Variants in FMN2 observed in about 807,000 individuals in gnomAD.
FMN2 encodes the protein formin 2.
In FMN2, 51 loss-of-function variants were observed where a neutral mutation model predicts 142.3. The ratio of observed to expected loss-of-function variants is 0.36; its 90% CI spans 0.29 to 0.45. The LOEUF (loss-of-function observed/expected upper bound fraction) is 0.45, where lower values mean the gene tolerates loss of function less well. Ranked by LOEUF, FMN2 falls within the 20% of genes least tolerant of loss-of-function variation. FMN2 has a pLI of 1.00. For synonymous variants in FMN2, 882 were observed against 869.8 expected (o/e 1.01, Z -0.25); for missense variants, 1,936 against 2,122.8 (o/e 0.91, Z 1.73).
intron 6 of FMN2, among the ~76,000 whole-genome samples, chr1:240,218,667 T>C (rs1666997350): frequency 6.6e-6 from 1 of 152,146 alleles, no homozygotes; most frequent in Non-Finnish European, 1.5e-5. Context: ...CCCTCTTTAG[T>C]TTCACTGGAA....
At chr1:240,395,623 G>A (rs887529274) in intron 15 of FMN2, among the ~76,000 whole-genome samples, 5 of 152,174 alleles carry the variant, frequency 3.3e-5, no homozygotes, top group Non-Finnish European at 2.9e-5. Flanking sequence ...GACATCAGTG[G>A]AGAAAGTAAC....
intron 14 of FMN2, among the ~76,000 whole-genome samples, chr1:240,358,655 GA>G (rs1236628857): frequency 2.6e-5 from 4 of 152,138 alleles, no homozygotes; most frequent in Admixed American, 2.0e-4. Flanking sequence ...GAAGGGGGAA[GA>G]GCCCCTTATG....
At chr1:240,302,342 C>A (rs1670228881) in intron 8 of FMN2, among the ~76,000 whole-genome samples, 1 of 151,792 alleles carries the variant, frequency 6.6e-6, no homozygotes, top group Non-Finnish European at 1.5e-5. Context: ...AATACCTGGG[C>A]CCTCAGAAAA....
intron 15 of FMN2, among the ~76,000 whole-genome samples, chr1:240,420,626 C>T (rs1572289629): frequency 6.6e-6 from 1 of 152,268 alleles, no homozygotes; most frequent in Middle Eastern, 3.4e-3. Flanking sequence ...AAGATATCAC[C>T]TGAGCTAACC....
chr1:240,299,204 T>C (rs1670105246), intron 8 of FMN2, among the ~76,000 whole-genome samples: 1 of 152,182 alleles, frequency 6.6e-6, no homozygotes. Context: ...CGCCTCGACC[T>C]TACAAAGTGC....
chr1:240,418,727 A>G (rs1186978725), intron 15 of FMN2, among the ~76,000 whole-genome samples: 4 of 147,736 alleles, frequency 2.7e-5, no homozygotes, highest in African/African-American at 1.1e-4. Context: ...GTAGTGTTCT[A>G]TTTTATTATT....
chr1:240,414,911 A>G (rs1674526984), intron 15 of FMN2, among the ~76,000 whole-genome samples: 1 of 152,228 alleles, frequency 6.6e-6, no homozygotes, highest in African/African-American at 2.4e-5. Context: ...CATATATCAG[A>G]AGAACTTGCT....
intron 2 of FMN2, chr1:240,144,948 G>T: frequency 7.8e-7 from 1 of 1,274,506 alleles, no homozygotes. Flanking sequence ...CCTACTAGCC[G>T]ATACTTGAGG....
chr1:240,456,877 C>T (rs1299366306), intron 16 of FMN2, among the ~76,000 whole-genome samples: 1 of 152,166 alleles, frequency 6.6e-6, no homozygotes, highest in Non-Finnish European at 1.5e-5. Flanking sequence ...TCTCTAGAAC[C>T]GCACAGATAA....
At chr1:240,364,491 G>A (rs1269821941) in intron 14 of FMN2, among the ~76,000 whole-genome samples, 2 of 151,894 alleles carry the variant, frequency 1.3e-5, no homozygotes, top group Admixed American at 1.3e-4. Flanking sequence ...CATTTTAAAG[G>A]TACCTTTCTT....
chr1:240,121,708 C>T (rs1344555812), intron 1 of FMN2, among the ~76,000 whole-genome samples: 2 of 124,360 alleles, frequency 1.6e-5, no homozygotes, highest in Non-Finnish European at 3.1e-5. Context: ...CTTATTATGC[C>T]TCTCTTGCCT....
At chr1:240,277,651 G>C (rs1182497461) in intron 7 of FMN2, among the ~76,000 whole-genome samples, 1 of 148,248 alleles carries the variant, frequency 6.7e-6, no homozygotes, top group Non-Finnish European at 1.5e-5. Flanking sequence ...TCTTGCCTCA[G>C]CCTCCCAAGT....
At chr1:240,321,764 G>T in intron 8 of FMN2, among the ~76,000 whole-genome samples, 1 of 152,054 alleles carries the variant, frequency 6.6e-6, no homozygotes, top group East Asian at 1.9e-4. Context: ...CTATAAGCCA[G>T]ACAATAAACA....
rs117469552 is a variant in FMN2, at chr1:240,362,187, C to T, written c.4858+6279C>T. 3.9e-4 allele frequency among the ~76,000 whole-genome samples: 60 copies of T among 152,252 alleles called. No homozygotes were observed. In the South Asian group the frequency reaches 5.2e-3, roughly 13 times the overall value. On this transcript the variant is annotated intron_variant, in intron 14 of 17. Coordinates refer to ENST00000319653, the MANE Select transcript of FMN2 (RefSeq NM_020066.5). ...GCGGGACAACTGTAACTGATGCATACGTGTTGGACTGAACTCTTGAATCAG... is the reference window on the plus strand; with the variant it reads ...GCGGGACAACTGTAACTGATGCATATGTGTTGGACTGAACTCTTGAATCAG...
chr1:240,285,753 A>C (rs1669568246), intron 7 of FMN2, among the ~76,000 whole-genome samples: 1 of 152,188 alleles, frequency 6.6e-6, no homozygotes, highest in Non-Finnish European at 1.5e-5. Flanking sequence ...TGGATTTCAC[A>C]AGATCTAAAA....
At chr1:240,232,911 T>C (rs2102851122) in intron 6 of FMN2, among the ~76,000 whole-genome samples, 1 of 152,336 alleles carries the variant, frequency 6.6e-6, no homozygotes. Context: ...TACTGTGGCC[T>C]TGCTGTTTTG....
chr1:240,314,787 G>A (rs950251560), intron 8 of FMN2, among the ~76,000 whole-genome samples: 2 of 152,142 alleles, frequency 1.3e-5, no homozygotes, highest in African/African-American at 4.8e-5. Context: ...ATCCTTGTGT[G>A]TGGTGTTGAA....
In FMN2 at chr1:240,170,434, T is replaced by C. The variant is rs529948370; in HGVS notation, c.1783-7487T>C. ...TGCTAAGCTGAAGGCGGGTGATAAC[T>C]GTCATCCCATTTTACATCCCACAGT... On this transcript the variant is annotated intron_variant, in intron 2 of 17. Coordinates refer to ENST00000319653, the MANE Select transcript of FMN2 (RefSeq NM_020066.5). 5.2e-5 allele frequency: 68 copies of C among 1,300,884 alleles called. No individual in the cohort carries two copies. The Admixed American group carries it at 5.9e-4, about 11-fold the overall frequency. 80.6% of individuals were successfully genotyped at this position (1,300,884 alleles called of 1,614,324 possible).
chr1:240,355,929 TTA>T (rs1491204030), intron 14 of FMN2, 21 bp downstream of exon 14: 16 of 1,160,246 alleles, frequency 1.4e-5, no homozygotes, highest in African/African-American at 1.9e-5. Flanking sequence ...AAGAGATGTG[TTA>T]TGTTTTTCTC....
Sources: allele counts gnomAD v4.1 joint callset (sites outside exome capture counted in the v4.1 genomes callset), GRCh38; gene constraint gnomAD v4.1.1; transcripts MANE v1.5; gene names NCBI Gene and HGNC (gene_info 2026-07-23, HGNC 2026-07-21).